The following DOCK4 variants were observed in gnomAD, a reference collection of about 807,000 sequenced individuals.
DOCK4 encodes the protein dedicator of cytokinesis 4, also known as dedicator of cytokinesis protein 4.
DOCK4 carries 97 observed loss-of-function variants against 268.1 expected under a neutral mutation model. That is an observed-to-expected ratio of 0.36 (90% CI 0.31 to 0.43). The LOEUF (loss-of-function observed/expected upper bound fraction) is 0.43, where lower values mean the gene tolerates loss of function less well. DOCK4 is among the 20% of genes least tolerant of loss of function. The pLI is 1.00. For synonymous variants in DOCK4, 954 were observed against 887.2 expected, an observed-to-expected ratio of 1.08 and a Z score of -1.34; for missense variants, 2,145 against 2,455.7, an observed-to-expected ratio of 0.87 and a Z score of 2.67.
intron 8 of DOCK4, among the ~76,000 whole-genome samples, chr7:111,959,564 T>C (rs1351115588): frequency 6.6e-6 from 1 of 152,222 alleles, no homozygotes; most frequent in Non-Finnish European, 1.5e-5. Context: ...CTCTTAACTA[T>C]GTTATGCACT....
intron 8 of DOCK4, among the ~76,000 whole-genome samples, chr7:111,960,177 A>G (rs1796756170): frequency 6.6e-6 from 1 of 151,984 alleles, no homozygotes; most frequent in Non-Finnish European, 1.5e-5. Flanking sequence ...AATCCTGGCT[A>G]ACACAGTGAA....
chr7:112,112,048 C>T (rs1811702867), intron 1 of DOCK4, among the ~76,000 whole-genome samples: 1 of 152,180 alleles, frequency 6.6e-6, no homozygotes, highest in Admixed American at 6.5e-5. Context: ...TAGCCACCAG[C>T]TTACCCTCTC....
At chr7:112,135,858 T>A (rs75515837) in intron 1 of DOCK4, among the ~76,000 whole-genome samples, 1 of 152,302 alleles carries the variant, frequency 6.6e-6, no homozygotes, top group African/African-American at 2.4e-5. Context: ...GTGGAATATC[T>A]GAAAGGCCAA....
intron 1 of DOCK4, among the ~76,000 whole-genome samples, chr7:112,195,066 G>A (rs886632376): frequency 1.3e-5 from 2 of 152,144 alleles, no homozygotes; most frequent in Non-Finnish European, 2.9e-5. Context: ...ATCACCTGAG[G>A]TCAGGAGTTC....
intron 8 of DOCK4, among the ~76,000 whole-genome samples, chr7:111,960,231 G>A (rs1796760086): frequency 6.6e-6 from 1 of 151,634 alleles, no homozygotes; most frequent in South Asian, 2.1e-4. Flanking sequence ...AGGGCGTGGT[G>A]GCATATGCCG....
chr7:112,158,368 T>A (rs569476359), intron 1 of DOCK4, among the ~76,000 whole-genome samples: 1 of 152,332 alleles, frequency 6.6e-6, no homozygotes, highest in South Asian at 2.1e-4. Flanking sequence ...ACAAATGAAG[T>A]AGGAATATAG....
intron 1 of DOCK4, among the ~76,000 whole-genome samples, chr7:112,051,071 A>G (rs1805308484): frequency 6.6e-6 from 1 of 152,148 alleles, no homozygotes; most frequent in Non-Finnish European, 1.5e-5. Context: ...GCACACATAT[A>G]TGTTAATACT....
chr7:112,053,690 T>TG (rs1163463978), intron 1 of DOCK4, among the ~76,000 whole-genome samples: 2 of 152,230 alleles, frequency 1.3e-5, no homozygotes, highest in African/African-American at 2.4e-5. Flanking sequence ...ACTCAATGGC[T>TG]GCATGGATTA....
intron 16 of DOCK4, among the ~76,000 whole-genome samples, chr7:111,891,539 T>C (rs1290701174): frequency 6.6e-6 from 1 of 152,232 alleles, no homozygotes; most frequent in Admixed American, 6.5e-5. Flanking sequence ...TTTTAAGCAA[T>C]CTGCAGTGAT....
intron 1 of DOCK4, among the ~76,000 whole-genome samples, chr7:112,004,627 G>C (rs1800704978): frequency 6.6e-6 from 1 of 152,110 alleles, no homozygotes; most frequent in Admixed American, 6.6e-5. Flanking sequence ...TCAAGAGAAG[G>C]GACTGCATCC....
chr7:111,824,665 C>CTTT (rs1228455777), intron 26 of DOCK4, among the ~76,000 whole-genome samples: 2 of 152,070 alleles, frequency 1.3e-5, no homozygotes, highest in African/African-American at 4.8e-5. Flanking sequence ...GGAGGCAAAA[C>CTTT]ATCTATCTTA....
At chr7:111,909,333 A>G (rs1056394002) in intron 13 of DOCK4, among the ~76,000 whole-genome samples, 5 of 152,206 alleles carry the variant, frequency 3.3e-5, no homozygotes, top group African/African-American at 1.2e-4. Flanking sequence ...GTCTGTTCAT[A>G]TCCTTCGAAA....
At position 111,976,161 on chromosome 7, in the gene DOCK4, A is replaced by AAAAT. The variant is rs1554400643; in HGVS notation, c.701+970_701+971insATTT. ...ATCTCAAAAAAAAAAAAAAAAAAAA[A>AAAAT]ATATATATATATATATACACACACA... is the stretch of plus-strand genomic sequence containing the variant. On this transcript the variant is annotated intron_variant, in intron 8 of 52. Coordinates refer to ENST00000428084, the MANE Select transcript of DOCK4 (RefSeq NM_001363540.2). Among the ~76,000 whole-genome samples the AAAAT allele has an allele frequency of 1.0e-3, 34 of 34,012 alleles. 4 individuals carry two copies. Among genetic ancestry groups the AAAAT allele is most frequent in the African/African-American group, 5.1e-3 (34 of 6,676 alleles). 22.3% of individuals were successfully genotyped at this position (34,012 alleles called of 152,430 possible).
intron 20 of DOCK4, among the ~76,000 whole-genome samples, chr7:111,870,616 CCAGCCAG>C (rs1806345533): frequency 6.6e-6 from 1 of 152,122 alleles, no homozygotes; most frequent in Non-Finnish European, 1.5e-5. Flanking sequence ...GCCACTGTGC[CCAGCCAG>C]TTCTTGGTTT....
At chr7:112,177,102 G>A (rs746889018) in intron 1 of DOCK4, among the ~76,000 whole-genome samples, 8 of 152,220 alleles carry the variant, frequency 5.3e-5, no homozygotes, top group Non-Finnish European at 7.3e-5. Flanking sequence ...AGAACAAGTA[G>A]TTGGGGAGAG....
chr7:112,133,988 C>T (rs564281833), intron 1 of DOCK4, among the ~76,000 whole-genome samples: 1 of 152,104 alleles, frequency 6.6e-6, no homozygotes, highest in African/African-American at 2.4e-5. Context: ...TGGAGTGTAC[C>T]ACATGTTGTC....
intron 1 of DOCK4, among the ~76,000 whole-genome samples, chr7:112,152,720 A>C (rs1443421329): frequency 1.3e-5 from 2 of 152,122 alleles, no homozygotes; most frequent in African/African-American, 4.8e-5. Context: ...TCCTGGTCTC[A>C]AGTAATCCTC....
At chr7:111,873,014 T>A (rs950035384) in intron 17 of DOCK4, among the ~76,000 whole-genome samples, 7 of 152,206 alleles carry the variant, frequency 4.6e-5, no homozygotes, top group Non-Finnish European at 8.8e-5. Flanking sequence ...GCCCAGCACA[T>A]AGCACTCTGC....
intron 52 of DOCK4, among the ~76,000 whole-genome samples, chr7:111,729,733 C>T (rs978142476): frequency 2.6e-5 from 4 of 152,170 alleles, no homozygotes; most frequent in Admixed American, 2.6e-4. Context: ...GCTGAGCACA[C>T]TCAGCTCAGA....
Sources: gnomAD v4.1 joint callset for allele counts (sites outside exome capture counted in the v4.1 genomes callset) on GRCh38, gnomAD v4.1.1 for gene constraint, MANE v1.5 for transcripts, NCBI Gene and HGNC (gene_info 2026-07-23, HGNC 2026-07-21) for gene names.